Variants in ATRNL1 observed in about 807,000 individuals in gnomAD.
ATRNL1 encodes the protein attractin like 1, also known as attractin-like protein 1.
A neutral mutation model predicts 182.7 loss-of-function variants in ATRNL1; 95 were observed. The ratio of observed to expected loss-of-function variants is 0.52; its 90% confidence interval spans 0.44 to 0.62. The LOEUF (loss-of-function observed/expected upper bound fraction) is 0.62, where lower values mean the gene tolerates loss of function less well. Among genes scored for constraint, ATRNL1 ranks in the 20% least tolerant of loss-of-function variants. The probability of loss-of-function intolerance (pLI) is 0.00; values close to 1 mark genes in which losing one functional copy is unlikely to be tolerated. For synonymous variants in ATRNL1, 576 were observed against 568.3 expected (o/e 1.01, Z -0.19); for missense variants, 1,471 against 1,679.5 (o/e 0.88, Z 2.17).
chr10:115,329,528 A>T (rs1429570131), intron 18 of ATRNL1, among the ~76,000 whole-genome samples: 1 of 151,936 alleles, frequency 6.6e-6, no homozygotes, highest in Non-Finnish European at 1.5e-5. Context: ...CTCCCTTTGG[A>T]TCTATTAATG....
intron 7 of ATRNL1, among the ~76,000 whole-genome samples, chr10:115,166,476 AC>A (rs1393151513): frequency 6.6e-6 from 1 of 150,596 alleles, no homozygotes; most frequent in Non-Finnish European, 1.5e-5. Context: ...TTTTTTTAGC[AC>A]TGCCATAGTG....
At chr10:115,890,747 T>C (rs1952060340) in intron 28 of ATRNL1, among the ~76,000 whole-genome samples, 2 of 152,326 alleles carry the variant, frequency 1.3e-5, no homozygotes, top group South Asian at 4.1e-4. Flanking sequence ...CCTACTCATA[T>C]GCAGAGATAT....
chr10:115,534,960 T>A (rs1554989748), intron 25 of ATRNL1, among the ~76,000 whole-genome samples: 1 of 152,212 alleles, frequency 6.6e-6, no homozygotes, highest in African/African-American at 2.4e-5. Context: ...GCTTGTAGAG[T>A]TTCTGCTGAG....
chr10:115,148,749 T>G (rs1592168343), intron 5 of ATRNL1, among the ~76,000 whole-genome samples: 1 of 149,370 alleles, frequency 6.7e-6, no homozygotes, highest in South Asian at 2.2e-4. Context: ...GATGCGTTTT[T>G]TTTTTTTTTT....
chr10:115,814,764 C>G (rs1950123914), intron 27 of ATRNL1, among the ~76,000 whole-genome samples: 1 of 152,148 alleles, frequency 6.6e-6, no homozygotes, highest in African/African-American at 2.4e-5. Context: ...CCAGCTTGGT[C>G]AGAAAACACA....
At chr10:115,135,527 A>T (rs945584086) in intron 5 of ATRNL1, among the ~76,000 whole-genome samples, 6 of 152,214 alleles carry the variant, frequency 3.9e-5, no homozygotes, top group African/African-American at 7.2e-5. Context: ...TGCTCAACGA[A>T]ATAAAAGAGG....
chr10:115,168,097 G>C (rs138084866), intron 7 of ATRNL1, among the ~76,000 whole-genome samples: 2 of 152,156 alleles, frequency 1.3e-5, no homozygotes, highest in African/African-American at 4.8e-5. Context: ...TGTATGTTAT[G>C]ACTACCATAT....
chr10:115,278,122 A>T (rs1329291669), intron 13 of ATRNL1, among the ~76,000 whole-genome samples: 4 of 152,166 alleles, frequency 2.6e-5, no homozygotes, highest in African/African-American at 9.7e-5. Context: ...TAAGACTAGA[A>T]CCATTTTATG....
At chr10:115,844,215 G>A (rs568989695) in intron 27 of ATRNL1, among the ~76,000 whole-genome samples, 3 of 152,156 alleles carry the variant, frequency 2.0e-5, no homozygotes, top group African/African-American at 7.2e-5. Context: ...GTAGTGACTC[G>A]TCCAAGGACA....
intron 26 of ATRNL1, among the ~76,000 whole-genome samples, chr10:115,633,219 A>G (rs1858635592): frequency 1.3e-5 from 2 of 152,112 alleles, no homozygotes; most frequent in South Asian, 4.1e-4. Context: ...CCTAAAGTTA[A>G]TATTTTAAGC....
intron 19 of ATRNL1, among the ~76,000 whole-genome samples, chr10:115,340,476 C>CT (rs1430940795): frequency 6.3e-5 from 6 of 95,124 alleles, no homozygotes; most frequent in Non-Finnish European, 8.0e-5. Flanking sequence ...CTTTTCTTTT[C>CT]TTTTTTTTTT....
At chr10:115,261,523 C>A (rs1851391369) in intron 10 of ATRNL1, among the ~76,000 whole-genome samples, 1 of 151,886 alleles carries the variant, frequency 6.6e-6, no homozygotes, top group African/African-American at 2.4e-5. Flanking sequence ...AATGAAATTG[C>A]CAGATATCTT....
At chr10:115,526,865 G>A (rs1195699959) in intron 25 of ATRNL1, among the ~76,000 whole-genome samples, 1 of 152,118 alleles carries the variant, frequency 6.6e-6, no homozygotes, top group African/African-American at 2.4e-5. Flanking sequence ...GAGTGAAAGA[G>A]CCTGAGAATG....
At chr10:115,345,457 A>G (rs1855934833) in intron 19 of ATRNL1, among the ~76,000 whole-genome samples, 1 of 152,142 alleles carries the variant, frequency 6.6e-6, no homozygotes. Context: ...TCCTCCCCGT[A>G]TACTGCCACT....
intron 21 of ATRNL1, among the ~76,000 whole-genome samples, chr10:115,454,197 A>T (rs554523378): frequency 1.3e-5 from 2 of 152,086 alleles, no homozygotes; most frequent in Admixed American, 1.3e-4. Context: ...CTTGTTGAAG[A>T]TCAGTTAACT....
chr10:115,188,379 G>A (rs1313179444), intron 8 of ATRNL1, among the ~76,000 whole-genome samples: 2 of 152,060 alleles, frequency 1.3e-5, no homozygotes, highest in African/African-American at 4.8e-5. Context: ...TAGAATTACG[G>A]CTTTTAGGGA....
intron 6 of ATRNL1, 102 bp from the exon 7 acceptor site, chr10:115,165,456 A>T: frequency 3.8e-6 from 2 of 523,556 alleles, no homozygotes; most frequent in Non-Finnish European, 6.5e-6. Flanking sequence ...CTCTTTTTGA[A>T]TTTAATGAAT....
chr10:115,618,153 C>A (rs1006681365), intron 26 of ATRNL1, among the ~76,000 whole-genome samples: 1 of 152,156 alleles, frequency 6.6e-6, no homozygotes, highest in African/African-American at 2.4e-5. Context: ...AATTAAACCT[C>A]TTTTCTTTAT....
chr10:115,380,217 T>C (rs1554950711), intron 19 of ATRNL1, among the ~76,000 whole-genome samples: 1 of 152,206 alleles, frequency 6.6e-6, no homozygotes, highest in Admixed American at 6.5e-5. Context: ...TAATTTTATG[T>C]ATGCATATGG....
Sources: allele counts gnomAD v4.1 joint callset (sites outside exome capture counted in the v4.1 genomes callset), GRCh38; gene constraint gnomAD v4.1.1; transcripts MANE v1.5; gene names NCBI Gene and HGNC (gene_info 2026-07-23, HGNC 2026-07-21).